Variants in TTC17 observed in about 807,000 individuals in gnomAD.
TTC17 encodes tetratricopeptide repeat domain 17, also known as tetratricopeptide repeat protein 17.
In TTC17, 58 loss-of-function variants were observed where a neutral mutation model predicts 143.8. That is an observed-to-expected ratio of 0.40 (90% confidence interval 0.33 to 0.50). TTC17 has a LOEUF of 0.50. Among genes scored for constraint, TTC17 ranks in the 20% least tolerant of loss-of-function variants. The probability of loss-of-function intolerance (pLI) is 0.49; values close to 1 mark genes in which losing one functional copy is unlikely to be tolerated. For synonymous variants in TTC17, 501 were observed against 497.8 expected (o/e 1.01, Z -0.09); for missense variants, 1,273 against 1,392.5 (o/e 0.91, Z 1.37).
chr11:43,381,206 T>C (rs1183166528), intron 2 of TTC17, among the ~76,000 whole-genome samples: 1 of 152,226 alleles, frequency 6.6e-6, no homozygotes, highest in African/African-American at 2.4e-5. Flanking sequence ...TTTATACTTA[T>C]ACTATGAAGC....
intron 21 of TTC17, among the ~76,000 whole-genome samples, chr11:43,452,177 A>G (rs1313937857): frequency 6.6e-6 from 1 of 152,166 alleles, no homozygotes; most frequent in Non-Finnish European, 1.5e-5. Flanking sequence ...AGTAATAAAA[A>G]CAGAGCAGAC....
At chr11:43,446,190 A>G in intron 18 of TTC17, 5 of 1,298,536 alleles carry the variant, frequency 3.9e-6, no homozygotes, top group Admixed American at 6.6e-5. Context: ...GCCTTTGCAC[A>G]TGCTATTCCC....
chr11:43,403,566 A>T (rs1857969377), intron 10 of TTC17, among the ~76,000 whole-genome samples: 1 of 152,150 alleles, frequency 6.6e-6, no homozygotes, highest in South Asian at 2.1e-4. Flanking sequence ...TCCTTAAGTG[A>T]TAGTTATAGA....
intron 7 of TTC17, 108 bp downstream of exon 7, chr11:43,397,599 C>A: frequency 8.1e-7 from 1 of 1,235,440 alleles, no homozygotes; most frequent in Non-Finnish European, 1.1e-6. Flanking sequence ...CTTTTTTGGT[C>A]TGAACGATGG....
chr11:43,479,947 A>C (rs553429970), intron 21 of TTC17, among the ~76,000 whole-genome samples: 31 of 152,214 alleles, frequency 2.0e-4, no homozygotes, highest in African/African-American at 7.5e-4. Context: ...GAACCTGGAG[A>C]CTAGAGTGCT....
At chr11:43,391,136 C>T (rs1441795528) in intron 3 of TTC17, among the ~76,000 whole-genome samples, 5 of 152,146 alleles carry the variant, frequency 3.3e-5, no homozygotes, top group South Asian at 2.1e-4. Context: ...CAGTGGTTTA[C>T]GCCTGTAATC....
At chr11:43,482,440 A>T (rs1313121305) in intron 21 of TTC17, among the ~76,000 whole-genome samples, 1 of 151,708 alleles carries the variant, frequency 6.6e-6, no homozygotes, top group African/African-American at 2.4e-5. Context: ...TTTTTGACCC[A>T]TGAGTTATTT....
At chr11:43,465,681 A>G (rs1306630310) in intron 21 of TTC17, among the ~76,000 whole-genome samples, 4 of 152,192 alleles carry the variant, frequency 2.6e-5, no homozygotes, top group Admixed American at 6.5e-5. Flanking sequence ...AGACCATTCA[A>G]TGGGGAAAAG....
In TTC17 at chr11:43,405,837, C is replaced by G. The variant is rs746667898; in HGVS notation, c.1647C>G (p.Thr549=). ...ATTCTACAGAAGAAGAGGCCCAAAC[C>G]CCTGACTGTTCCATAACTGACTTCA... ...DDYSTEEEAQ[T]PDCSITDFRK... The change falls in exon 13 of 24, where the codon ACC becomes ACG. Residue 549 remains threonine (T), a synonymous_variant. Transcript: ENST00000039989. 2.5e-6 allele frequency: 4 copies of G among 1,613,858 alleles called. No individual in the cohort carries two copies. The African/African-American group carries it at 5.3e-5, about 22-fold the overall frequency.
At chr11:43,419,825 A>C (rs1402333258) in intron 16 of TTC17, among the ~76,000 whole-genome samples, 3 of 152,142 alleles carry the variant, frequency 2.0e-5, no homozygotes, top group Admixed American at 6.5e-5. Context: ...CAAACAGTTG[A>C]GACTACAGGT....
At chr11:43,414,073 A>C (rs1946720190) in intron 15 of TTC17, among the ~76,000 whole-genome samples, 1 of 152,230 alleles carries the variant, frequency 6.6e-6, no homozygotes, top group Non-Finnish European at 1.5e-5. Flanking sequence ...GTGTATTCTT[A>C]TGTTAGAACA....
intron 3 of TTC17, 81 bp from the exon 4 acceptor site, chr11:43,391,384 A>C (rs1445045722): frequency 5.2e-6 from 5 of 957,106 alleles, no homozygotes; most frequent in Non-Finnish European, 8.1e-6. Flanking sequence ...GGGCAACAGA[A>C]TGAGACCCTT....
chr11:43,410,629 C>T (rs558307977), intron 15 of TTC17, among the ~76,000 whole-genome samples: 5 of 152,270 alleles, frequency 3.3e-5, no homozygotes, highest in South Asian at 2.1e-4. Context: ...TTGAATTACC[C>T]GTCACCTTTG....
rs781139931 is a variant in TTC17 at position 43,358,934 on chromosome 11, C to T, written c.-21C>T. 22 of 1,557,784 alleles carry T rather than the reference C, an allele frequency of 1.4e-5. No homozygotes were observed. The highest frequency in any genetic ancestry group is 3.5e-6 in the Non-Finnish European group (4 of 1,153,036). On this transcript the variant is annotated 5_prime_UTR_variant, in exon 1 of 24. Coordinates refer to ENST00000039989, the MANE Select transcript of TTC17 (RefSeq NM_018259.6). ...GACTAGCTTCCGCTTCCGGTGTGAG[C>T]GGCCCGGCCGGGGGGGCAAGATGGC...
intron 10 of TTC17, among the ~76,000 whole-genome samples, chr11:43,403,377 C>G (rs1194091040): frequency 1.3e-5 from 2 of 152,272 alleles, no homozygotes; most frequent in East Asian, 3.9e-4. Flanking sequence ...CCATCCCATC[C>G]CCAGTCCCAT....
intron 16 of TTC17, 141 bp downstream of exon 16, chr11:43,414,917 T>A: frequency 1.2e-6 from 1 of 869,014 alleles, no homozygotes; most frequent in Non-Finnish European, 1.7e-6. Flanking sequence ...TAGGAAAAGA[T>A]GTTAATTCCT....
intron 21 of TTC17, 72 bp from the exon 22 acceptor site, chr11:43,490,167 C>G: frequency 6.5e-7 from 1 of 1,541,760 alleles, no homozygotes; most frequent in African/African-American, 1.4e-5. Flanking sequence ...ACTTGTGTTA[C>G]TGAACTTAAT....
At chr11:43,401,337 G>C in intron 9 of TTC17, 109 bp from the exon 10 acceptor site, 2 of 649,700 alleles carry the variant, frequency 3.1e-6, no homozygotes, top group East Asian at 2.8e-5. Flanking sequence ...TAAGTAGCCT[G>C]CTAGGCTCTG....
intron 16 of TTC17, among the ~76,000 whole-genome samples, chr11:43,428,298 T>C (rs1947075182): frequency 6.8e-6 from 1 of 146,838 alleles, no homozygotes; most frequent in Admixed American, 6.6e-5. Flanking sequence ...AAGCCAGAGA[T>C]TTAAATTAAA....
Sources: gnomAD v4.1 joint callset for allele counts (sites outside exome capture counted in the v4.1 genomes callset) on GRCh38, gnomAD v4.1.1 for gene constraint, MANE v1.5 for transcripts, NCBI Gene and HGNC (gene_info 2026-07-23, HGNC 2026-07-21) for gene names.